The following LRRC4C variants were observed in gnomAD, a reference collection of about 807,000 sequenced individuals.
LRRC4C encodes the protein leucine-rich repeat-containing protein 4C.
In LRRC4C, 5 loss-of-function variants were observed where a neutral mutation model predicts 33.6. The observed-to-expected ratio is 0.15, with a 90% CI of 0.08 to 0.31. The LOEUF is 0.31. Ranked by LOEUF, LRRC4C falls within the 10% of genes least tolerant of loss-of-function variation. The probability of loss-of-function intolerance (pLI) is 1.00; values close to 1 mark genes in which losing one functional copy is unlikely to be tolerated. For missense variants in LRRC4C, 560 were observed against 796.7 expected (o/e 0.70, Z 3.58); for synonymous variants, 329 against 302.0 (o/e 1.09, Z -0.93).
At chr11:41,236,481 A>G (rs1298730231) in intron 1 of LRRC4C, among the ~76,000 whole-genome samples, 13 of 152,116 alleles carry the variant, frequency 8.5e-5, no homozygotes, top group Admixed American at 8.5e-4. Flanking sequence ...GCCACATGAA[A>G]AAGGATTTGT....
At chr11:41,216,095 A>G (rs573821483) in intron 1 of LRRC4C, among the ~76,000 whole-genome samples, 1 of 152,354 alleles carries the variant, frequency 6.6e-6, no homozygotes, top group East Asian at 1.9e-4. Context: ...ACCTTCTTAA[A>G]GAAGCAAATG....
rs118169435 is a variant in LRRC4C, at chr11:40,221,944, G to A, written c.-96+19575C>T. ...AGACAGGAGTCTCGTCGATGCCCTC[G>A]GCTGAATAAATTCCTTCCTTCTTTA... On this transcript the variant is annotated intron_variant, in intron 5 of 6. Coordinates refer to ENST00000528697, the MANE Select transcript of LRRC4C (RefSeq NM_001258419.2). 7.0e-4 allele frequency among the ~76,000 whole-genome samples: 106 copies of A among 152,120 alleles called. 1 individual carries two copies. The highest frequency in any genetic ancestry group is 1.8e-3 in the Admixed American group (28 of 15,230).
chr11:41,120,117 A>G (rs1942345459), intron 1 of LRRC4C, among the ~76,000 whole-genome samples: 3 of 152,276 alleles, frequency 2.0e-5, no homozygotes, highest in East Asian at 1.9e-4. Flanking sequence ...AAAATTTTTC[A>G]CAATTGAAGG....
chr11:41,246,702 T>C (rs1475175863), intron 1 of LRRC4C, among the ~76,000 whole-genome samples: 3 of 152,194 alleles, frequency 2.0e-5, no homozygotes, highest in Non-Finnish European at 4.4e-5. Flanking sequence ...TCATCTTATA[T>C]GGTTTGCTAT....
At chr11:41,112,627 C>A (rs1471155800) in intron 1 of LRRC4C, among the ~76,000 whole-genome samples, 1 of 151,950 alleles carries the variant, frequency 6.6e-6, no homozygotes, top group South Asian at 2.1e-4. Flanking sequence ...CTGATAGGTA[C>A]CCCACTGTCA....
intron 1 of LRRC4C, among the ~76,000 whole-genome samples, chr11:41,385,086 G>A (rs1953305647): frequency 6.6e-6 from 1 of 150,898 alleles, no homozygotes; most frequent in Admixed American, 6.6e-5. Flanking sequence ...TAATTATATA[G>A]ATATAATATA....
At chr11:40,684,596 G>A (rs1032393004) in intron 2 of LRRC4C, among the ~76,000 whole-genome samples, 4 of 151,544 alleles carry the variant, frequency 2.6e-5, no homozygotes, top group African/African-American at 9.7e-5. Context: ...AGAATTGAGA[G>A]GGTTATAAAT....
At chr11:40,541,695 C>T (rs1180415350) in intron 3 of LRRC4C, among the ~76,000 whole-genome samples, 1 of 152,158 alleles carries the variant, frequency 6.6e-6, no homozygotes, top group East Asian at 1.9e-4. Context: ...TTCTTATCTC[C>T]TTCACTAAAT....
intron 4 of LRRC4C, among the ~76,000 whole-genome samples, chr11:40,276,595 A>T (rs912948987): frequency 6.6e-6 from 1 of 151,816 alleles, no homozygotes; most frequent in Non-Finnish European, 1.5e-5. Context: ...GAGGAAGATA[A>T]GTGGCACATG....
chr11:40,686,215 T>C (rs1182451512), intron 2 of LRRC4C, among the ~76,000 whole-genome samples: 1 of 152,090 alleles, frequency 6.6e-6, no homozygotes, highest in Non-Finnish European at 1.5e-5. Flanking sequence ...AATAACAGTA[T>C]CTACCATTGA....
At chr11:40,444,958 C>A (rs1157989144) in intron 3 of LRRC4C, among the ~76,000 whole-genome samples, 1 of 152,180 alleles carries the variant, frequency 6.6e-6, no homozygotes, top group Non-Finnish European at 1.5e-5. Flanking sequence ...CTCCTCTCTT[C>A]AATACATTTC....
intron 2 of LRRC4C, among the ~76,000 whole-genome samples, chr11:40,679,418 A>T (rs1330732831): frequency 1.3e-5 from 2 of 152,178 alleles, no homozygotes; most frequent in African/African-American, 2.4e-5. Context: ...TCACCAAGAC[A>T]ATTGAAAAAA....
intron 2 of LRRC4C, among the ~76,000 whole-genome samples, chr11:40,658,114 T>C (rs77851222): frequency 6.8e-4 from 103 of 152,302 alleles, no homozygotes; most frequent in African/African-American, 2.2e-3. Flanking sequence ...TATCTTATAG[T>C]AAACATTAGA....
chr11:40,897,648 G>A lies in LRRC4C; in HGVS notation c.-407+35987C>T, dbSNP rs559630829. On this transcript the variant is annotated intron_variant, in intron 2 of 6. Transcript: ENST00000528697. ...ATTATCCCATGTTTGGCATTTGCAT[G>A]GGATGACAGAAGAAGGAACACTTCT... 3.9e-5 allele frequency among the ~76,000 whole-genome samples: 6 copies of A among 152,324 alleles called. No homozygotes were observed. In the South Asian group the frequency reaches 1.2e-3, roughly 32 times the overall value.
intron 1 of LRRC4C, among the ~76,000 whole-genome samples, chr11:41,122,226 A>T (rs1942474094): frequency 6.6e-6 from 1 of 152,192 alleles, no homozygotes; most frequent in South Asian, 2.1e-4. Context: ...TTGGTCAAGT[A>T]ACAGTTTAAC....
rs574118622 is a variant in LRRC4C at position 41,252,458 on chromosome 11, A to T, written c.-496+206973T>A. Among the ~76,000 whole-genome samples, 11 of 152,292 alleles carry T rather than the reference A, an allele frequency of 7.2e-5. 1 individual carries two copies. Among genetic ancestry groups the T allele is most frequent in the Admixed American group, 6.5e-4 (10 of 15,296 alleles). On this transcript the variant is annotated intron_variant, in intron 1 of 6. Coordinates refer to ENST00000528697, the MANE Select transcript of LRRC4C (RefSeq NM_001258419.2). ...TTATAATTGTGTTTTAAAGTAAGTT[A>T]TCTAAGAAAAGGGAATCCGGACCCA...
chr11:40,692,164 G>T (rs72896609), intron 2 of LRRC4C, among the ~76,000 whole-genome samples: 1,616 of 152,042 alleles, frequency 0.011, 14 homozygotes, highest in Non-Finnish European at 0.015. Flanking sequence ...AAATGAACCC[G>T]AGAGAGATCA....
At chr11:40,439,097 ATTTT>A (rs200541047) in intron 3 of LRRC4C, among the ~76,000 whole-genome samples, 2 of 134,736 alleles carry the variant, frequency 1.5e-5, no homozygotes, top group African/African-American at 2.8e-5. Flanking sequence ...CCCCCAGCTA[ATTTT>A]TTTTTTTTTT....
At chr11:40,194,569 A>G (rs1196191038) in intron 5 of LRRC4C, among the ~76,000 whole-genome samples, 2 of 149,878 alleles carry the variant, frequency 1.3e-5, no homozygotes, top group Admixed American at 1.3e-4. Context: ...GAGCTGAGCA[A>G]TGAGAACATA....
Sources: gnomAD v4.1 joint callset for allele counts (sites outside exome capture counted in the v4.1 genomes callset) on GRCh38, gnomAD v4.1.1 for gene constraint, MANE v1.5 for transcripts, NCBI Gene and HGNC (gene_info 2026-07-23, HGNC 2026-07-21) for gene names.